Variants in TSGA13 observed in about 807,000 individuals in gnomAD.
The protein encoded by TSGA13 is testis specific 13, also known as testis-specific gene 13 protein.
In TSGA13, 37 loss-of-function variants were observed where a neutral mutation model predicts 35.1. The observed-to-expected ratio is 1.05, with a 90% CI of 0.81 to 1.39. The LOEUF is 1.39. TSGA13 is among the 40% of genes most tolerant of loss of function. The probability of loss-of-function intolerance (pLI) is 0.00; values close to 1 mark genes in which losing one functional copy is unlikely to be tolerated. For missense variants in TSGA13, 338 were observed against 328.5 expected (o/e 1.03, Z -0.22); for synonymous variants, 124 against 121.2 (o/e 1.02, Z -0.15).
intron 4 of TSGA13, 53 bp downstream of exon 4, chr7:130,680,893 C>T (rs1796530288): frequency 6.4e-7 from 1 of 1,552,790 alleles, no homozygotes; most frequent in Non-Finnish European, 8.9e-7. Flanking sequence ...GGCATCTGCA[C>T]CACTGCTGAA....
chr7:130,670,307 C>A (rs1796233429), intron 7 of TSGA13, among the ~76,000 whole-genome samples: 1 of 152,250 alleles, frequency 6.6e-6, no homozygotes, highest in African/African-American at 2.4e-5. Flanking sequence ...CCTTCGGTAT[C>A]AGGACTATTT....
intron 4 of TSGA13, among the ~76,000 whole-genome samples, chr7:130,679,610 A>G (rs1385363590): frequency 6.6e-6 from 1 of 152,120 alleles, no homozygotes; most frequent in Non-Finnish European, 1.5e-5. Context: ...CCCGGGCTCA[A>G]GTGATTCTCC....
intron 1 of TSGA13, among the ~76,000 whole-genome samples, 162 bp downstream of exon 1, chr7:130,686,100 C>T (rs1428705075): frequency 6.6e-6 from 1 of 152,138 alleles, no homozygotes; most frequent in Admixed American, 6.5e-5. Context: ...TCCTATGAAG[C>T]CCACAGGTTT....
intron 3 of TSGA13, among the ~76,000 whole-genome samples, chr7:130,683,334 G>A (rs1309531098): frequency 1.3e-5 from 2 of 152,150 alleles, no homozygotes; most frequent in African/African-American, 4.8e-5. Context: ...CGTAAGTTAG[G>A]GTTTGACACG....
chr7:130,677,258 G>A (rs541084935), intron 5 of TSGA13, among the ~76,000 whole-genome samples: 1 of 152,070 alleles, frequency 6.6e-6, no homozygotes, highest in East Asian at 1.9e-4. Context: ...ATTTAGTTCA[G>A]GTCTTCAGTA....
intron 5 of TSGA13, among the ~76,000 whole-genome samples, chr7:130,673,660 G>A (rs539882404): frequency 1.3e-5 from 2 of 152,152 alleles, no homozygotes; most frequent in South Asian, 4.1e-4. Flanking sequence ...ATATGACATG[G>A]CATTGGGTTC....
rs535593397 is a variant in TSGA13, at chr7:130,672,873, T to C, written c.391A>G (p.Ser131Gly). The C allele has an allele frequency of 6.2e-7, 1 of 1,613,022 alleles. No individual in the cohort carries two copies. Among genetic ancestry groups the C allele is most frequent in the Admixed American group, 1.7e-5 (1 of 59,848 alleles). The change falls in exon 6 of 8, where the codon AGT becomes GGT. Residue 131 changes from serine (S) to glycine (G), a missense_variant. Coordinates refer to ENST00000356588, the MANE Select transcript of TSGA13 (RefSeq NM_052933.4). ...SKELLLKVME[S>G]HHQHKPTENL... ...TCAGTGGGTTTGTGCTGATGATGAC[T>C]TTCCTGTAGGGAAACGAGGGAAGAA...
intron 5 of TSGA13, among the ~76,000 whole-genome samples, chr7:130,673,594 C>G (rs782067106): frequency 4.6e-5 from 7 of 152,164 alleles, no homozygotes; most frequent in Admixed American, 6.5e-5. Flanking sequence ...CATCACATTC[C>G]TCCTAAGCTC....
At chr7:130,678,097 G>C (rs547402503) in intron 5 of TSGA13, among the ~76,000 whole-genome samples, 7 of 152,286 alleles carry the variant, frequency 4.6e-5, no homozygotes, top group African/African-American at 1.7e-4. Flanking sequence ...CTACTGTGTA[G>C]GCCGGGCGCG....
At chr7:130,674,329 C>T (rs1248405730) in intron 5 of TSGA13, among the ~76,000 whole-genome samples, 3 of 151,528 alleles carry the variant, frequency 2.0e-5, no homozygotes, top group Non-Finnish European at 2.9e-5. Context: ...CGTGTCACCA[C>T]GCCCAGTTAA....
intron 7 of TSGA13, 25 bp downstream of exon 7, chr7:130,671,635 CT>C: frequency 6.5e-7 from 1 of 1,544,680 alleles, no homozygotes; most frequent in East Asian, 2.4e-5. Flanking sequence ...TCCAGTAAGC[CT>C]TTGCTTTGAA....
Position 130,671,794 on chromosome 7 carries a change from C to A in TSGA13, c.531-6G>T, listed in dbSNP as rs782543717. The A allele has an allele frequency of 1.6e-5, 25 of 1,572,862 alleles. No homozygotes were observed. The highest frequency in any genetic ancestry group is 2.0e-5 in the Non-Finnish European group (23 of 1,155,238). On this transcript the variant is annotated splice_region_variant and splice_polypyrimidine_tract_variant and intron_variant, in intron 6 of 7. Transcript: ENST00000356588. ...AATCATTGTCAGTGGAAAACCTTAACAAAGAAAGTTCTTTGTTTAGTAGAT... is the reference window on the plus strand; with the variant it reads ...AATCATTGTCAGTGGAAAACCTTAAAAAAGAAAGTTCTTTGTTTAGTAGAT...
chr7:130,680,350 CA>C (rs1796514311), intron 4 of TSGA13, among the ~76,000 whole-genome samples: 1 of 151,834 alleles, frequency 6.6e-6, no homozygotes, highest in Admixed American at 6.6e-5. Flanking sequence ...ACTAAATATA[CA>C]AAAAATTAGC....
chr7:130,678,808 G>A (rs1796470645), intron 5 of TSGA13, among the ~76,000 whole-genome samples: 1 of 152,112 alleles, frequency 6.6e-6, no homozygotes, highest in South Asian at 2.1e-4. Flanking sequence ...AATCACTTGA[G>A]GCCATGAGTT....
At position 130,672,876 on chromosome 7, in the gene TSGA13, C is replaced by G; in HGVS notation, c.388G>C (p.Glu130Gln). The G allele has an allele frequency of 6.2e-7, 1 of 1,612,528 alleles. No individual in the cohort carries two copies. The highest frequency in any genetic ancestry group is 1.1e-5 in the South Asian group (1 of 90,834). ...GTGGGTTTGTGCTGATGATGACTTT[C>G]CTGTAGGGAAACGAGGGAAGAAGAG... ...FSKELLLKVM[E>Q]SHHQHKPTEN... Residue 130 changes from glutamate (E) to glutamine (Q), a missense_variant and splice_region_variant, in exon 6 of 8, where the codon GAA becomes CAA. Transcript: ENST00000356588.
intron 7 of TSGA13, among the ~76,000 whole-genome samples, chr7:130,671,235 A>G (rs1349413885): frequency 6.6e-6 from 1 of 152,156 alleles, no homozygotes; most frequent in African/African-American, 2.4e-5. Flanking sequence ...ATAGATAAAC[A>G]TTTTAAAATT....
At chr7:130,680,507 GAAA>G (rs5887470) in intron 4 of TSGA13, among the ~76,000 whole-genome samples, 4 of 119,026 alleles carry the variant, frequency 3.4e-5, no homozygotes, top group Admixed American at 8.3e-5. Flanking sequence ...CTCCATCTCA[GAAA>G]AAAAAAAAAA....
At chr7:130,671,639 G>T in intron 7 of TSGA13, 22 bp downstream of exon 7, 1 of 1,549,380 alleles carries the variant, frequency 6.5e-7, no homozygotes, top group Non-Finnish European at 8.8e-7. Flanking sequence ...GTAAGCCTTT[G>T]CTTTGAAAGA....
At chr7:130,673,137 G>A (rs1421766374) in intron 5 of TSGA13, among the ~76,000 whole-genome samples, 1 of 152,220 alleles carries the variant, frequency 6.6e-6, no homozygotes, top group East Asian at 1.9e-4. Flanking sequence ...ACTGGCCCTT[G>A]GAAGTGAATG....
Sources: gnomAD v4.1 joint callset for allele counts (sites outside exome capture counted in the v4.1 genomes callset) on GRCh38, gnomAD v4.1.1 for gene constraint, MANE v1.5 for transcripts, NCBI Gene and HGNC (gene_info 2026-07-23, HGNC 2026-07-21) for gene names.